Variants in COL15A1 observed in about 807,000 individuals in gnomAD.
COL15A1 encodes the protein collagen type XV alpha 1 chain.
COL15A1 carries 111 observed loss-of-function variants against 165.9 expected under a neutral mutation model. The ratio of observed to expected loss-of-function variants is 0.67; its 90% CI spans 0.57 to 0.78. COL15A1 has a LOEUF of 0.78. COL15A1 is among the 30% of genes least tolerant of loss of function. The pLI, the probability that COL15A1 is intolerant of heterozygous loss-of-function variation, is 0.00. For missense variants in COL15A1, 1,745 were observed against 1,789.7 expected (o/e 0.98, Z 0.45); for synonymous variants, 659 against 674.8 (o/e 0.98, Z 0.36).
At chr9:99,061,851 A>G (rs1265739293) in intron 36 of COL15A1, 120 bp from the exon 37 acceptor site, 1 of 1,051,466 alleles carries the variant, frequency 9.5e-7, no homozygotes, top group East Asian at 2.4e-5. Context: ...CACATTAACA[A>G]GCCTCTTTAT....
At chr9:99,054,438 C>T (rs1432377620) in intron 31 of COL15A1, 138 bp from the exon 32 acceptor site, 1 of 858,370 alleles carries the variant, frequency 1.2e-6, no homozygotes, top group Non-Finnish European at 1.7e-6. Context: ...TGATTTTACA[C>T]TTGCTGATCT....
chr9:99,068,710 T>G (rs1588543370), intron 41 of COL15A1, 40 bp downstream of exon 41: 1 of 1,190,632 alleles, frequency 8.4e-7, no homozygotes, highest in East Asian at 2.7e-5. Context: ...GTGTGATAGA[T>G]AGTTTTAGGG....
At chr9:99,028,532 T>C (rs1839166045) in intron 16 of COL15A1, among the ~76,000 whole-genome samples, 1 of 152,004 alleles carries the variant, frequency 6.6e-6, no homozygotes, top group Non-Finnish European at 1.5e-5. Flanking sequence ...AAACCTGTAA[T>C]CCCAGCTGCT....
Position 99,005,067 on chromosome 9 carries a change from G to T in COL15A1, c.1353+17G>T. The T allele has an allele frequency of 1.3e-6, 2 of 1,570,700 alleles. No individual in the cohort carries two copies. Among genetic ancestry groups the T allele is most frequent in the South Asian group, 2.4e-5 (2 of 83,838 alleles). On this transcript the variant is annotated intron_variant, in intron 9 of 41. Transcript: ENST00000375001. ...GCCACTGTGGTAAGGATCGTACAGT[G>T]CCCAAAGGTTGAGGTCATGGTGGGA... is the stretch of plus-strand genomic sequence containing the variant.
chr9:99,015,914 C>A, intron 10 of COL15A1, 62 bp from the exon 11 acceptor site: 1 of 1,580,110 alleles, frequency 6.3e-7, no homozygotes, highest in Non-Finnish European at 8.6e-7. Context: ...ACGACTGTTA[C>A]AACTCCCTGG....
At chr9:99,002,212 C>T (rs1415235225) in intron 7 of COL15A1, among the ~76,000 whole-genome samples, 3 of 144,614 alleles carry the variant, frequency 2.1e-5, no homozygotes, top group Non-Finnish European at 4.5e-5. Flanking sequence ...TTTTCTCTTT[C>T]TCCCTCACCT....
intron 35 of COL15A1, 131 bp from the exon 36 acceptor site, chr9:99,059,758 A>G (rs1313805155): frequency 1.2e-5 from 11 of 914,798 alleles, no homozygotes; most frequent in African/African-American, 8.3e-5. Flanking sequence ...CCCAAGATAC[A>G]GGTGGAAGTT....
intron 14 of COL15A1, 78 bp from the exon 15 acceptor site, chr9:99,024,796 A>C: frequency 1.3e-6 from 2 of 1,492,330 alleles, no homozygotes; most frequent in South Asian, 1.3e-5. Flanking sequence ...AAAGAATTTG[A>C]GAGATTGCAT....
In COL15A1 at chr9:99,047,954, T is replaced by A; in HGVS notation, c.2747T>A (p.Leu916Gln). Residue 916 changes from leucine to glutamine, a missense_variant, in exon 28 of 42, where the codon CTG becomes CAG. Physicochemically the swap from Leu to Gln is moderately radical, Grantham distance 113 (BLOSUM62 -2). Transcript: ENST00000375001. ...TGTGGGTTCCAGGGTCGCCCAGGAC[T>A]GAATGGCCTCAAGGGTACCAAAGGA... ...GLPGRPGRPG[L>Q]NGLKGTKGDP... is the part of the protein sequence containing the mutation. The A allele has an allele frequency of 1.9e-6, 3 of 1,608,146 alleles. No homozygotes were observed. The highest frequency in any genetic ancestry group is 2.6e-6 in the Non-Finnish European group (3 of 1,175,524).
intron 16 of COL15A1, among the ~76,000 whole-genome samples, chr9:99,027,202 G>A (rs779630149): frequency 6.6e-6 from 1 of 152,196 alleles, no homozygotes; most frequent in Non-Finnish European, 1.5e-5. Flanking sequence ...GATGCGATCA[G>A]TGGGTTTTAC....
At chr9:99,057,519 C>T (rs1309929009) in intron 35 of COL15A1, among the ~76,000 whole-genome samples, 1 of 152,168 alleles carries the variant, frequency 6.6e-6, no homozygotes, top group Non-Finnish European at 1.5e-5. Context: ...AGGCATTTTG[C>T]TAATCACTTT....
intron 2 of COL15A1, among the ~76,000 whole-genome samples, chr9:98,946,712 C>T (rs1309293026): frequency 6.6e-6 from 1 of 152,226 alleles, no homozygotes; most frequent in Non-Finnish European, 1.5e-5. Context: ...CACTATGAAC[C>T]AGCAGTGTTT....
chr9:99,016,257 G>A, intron 11 of COL15A1, 138 bp downstream of exon 11: 1 of 1,099,272 alleles, frequency 9.1e-7, no homozygotes, highest in Non-Finnish European at 1.3e-6. Context: ...TTGGGCATTT[G>A]AGGAGCTTTA....
rs898900649 is a variant in COL15A1, at chr9:99,038,692, T to A, written c.2434T>A (p.Phe812Ile). The A allele has an allele frequency of 1.2e-6, 2 of 1,609,928 alleles. No individual in the cohort carries two copies. Among genetic ancestry groups the A allele is most frequent in the Non-Finnish European group, 1.7e-6 (2 of 1,176,158 alleles). Residue 812 changes from phenylalanine to isoleucine, a missense_variant, in exon 22 of 42, where the codon TTC becomes ATC. Phe to Ile is a conservative substitution (Grantham distance 21). Transcript: ENST00000375001. ...SNSLINITHG[F>I]MNFSDIPELV... The stretch of plus-strand genomic sequence containing the variant: ...GTCCTTGATCAATATCACCCATGGA[T>A]TCATGAATTTCTCGGACATTCCTGA...
Position 98,948,550 on chromosome 9 carries a change from A to G in COL15A1, c.100+4300A>G, listed in dbSNP as rs536828248. 4.1e-5 allele frequency among the ~76,000 whole-genome samples: 6 copies of G among 148,030 alleles called. No homozygotes were observed. In the East Asian group the frequency reaches 1.0e-3, roughly 25 times the overall value. ...GAGGCGGAGGTTGCAGTGAGCCAAGATCGCGCCACTGCACTCCAGCCTGGC... is the reference window on the plus strand; with the variant it reads ...GAGGCGGAGGTTGCAGTGAGCCAAGGTCGCGCCACTGCACTCCAGCCTGGC... On this transcript the variant is annotated intron_variant, in intron 2 of 41. Transcript: ENST00000375001.
intron 8 of COL15A1, 46 bp downstream of exon 8, chr9:99,003,633 T>C (rs767936900): frequency 5.9e-5 from 85 of 1,450,242 alleles, no homozygotes; most frequent in Non-Finnish European, 7.7e-5. Flanking sequence ...TGTCTGGGGT[T>C]GTGGGTTGTG....
At chr9:99,051,539 A>T (rs959000752) in intron 30 of COL15A1, among the ~76,000 whole-genome samples, 1 of 152,138 alleles carries the variant, frequency 6.6e-6, no homozygotes, top group African/African-American at 2.4e-5. Flanking sequence ...TTTACAGCTC[A>T]TGTCTGTAGT....
At chr9:98,947,496 G>A (rs1837604905) in intron 2 of COL15A1, among the ~76,000 whole-genome samples, 1 of 152,110 alleles carries the variant, frequency 6.6e-6, no homozygotes, top group African/African-American at 2.4e-5. Context: ...ATTTAAAATG[G>A]GTGAATTTTA....
intron 23 of COL15A1, chr9:99,040,771 A>T: frequency 1.3e-6 from 1 of 749,910 alleles, no homozygotes; most frequent in South Asian, 2.0e-5. Flanking sequence ...CATCTGCGTC[A>T]GCCTCCCAAA....
Sources: gnomAD v4.1 joint callset for allele counts (sites outside exome capture counted in the v4.1 genomes callset) on GRCh38, gnomAD v4.1.1 for gene constraint, MANE v1.5 for transcripts, NCBI Gene and HGNC (gene_info 2026-07-23, HGNC 2026-07-21) for gene names.